Variants in MECR observed in about 807,000 individuals in gnomAD.
The protein encoded by MECR is enoyl-[acyl-carrier-protein] reductase, mitochondrial.
MECR carries 37 observed loss-of-function variants against 49.1 expected under a neutral mutation model. The observed-to-expected ratio is 0.75, with a 90% CI of 0.58 to 0.99. The LOEUF (loss-of-function observed/expected upper bound fraction) is 0.99, where lower values mean the gene tolerates loss of function less well. Among genes scored for constraint, MECR ranks in the 50% least tolerant of loss-of-function variants. The pLI is 0.00. For missense variants in MECR, 470 were observed against 479.6 expected (o/e 0.98, Z 0.19); for synonymous variants, 198 against 191.1 (o/e 1.04, Z -0.30).
At chr1:29,179,526 A>G in the MECR span, among the ~76,000 whole-genome samples, 1 of 152,086 alleles carries the variant, frequency 6.6e-6, no homozygotes, top group African/African-American at 2.4e-5. Context: ...CGCGTGGCTA[A>G]TTAAAAAAAT....
intron 3 of MECR, among the ~76,000 whole-genome samples, chr1:29,213,551 G>C (rs2452784): frequency 0.8 from 121,784 of 152,282 alleles, 49,340 homozygotes; most frequent in Non-Finnish European, 0.87. Context: ...CGCCCCAGGG[G>C]ACTGGTTCAG....
chr1:29,200,555 A>G lies in MECR; in HGVS notation c.791T>C (p.Val264Ala), dbSNP rs1049957605. 4 of 1,613,840 alleles carry G rather than the reference A, an allele frequency of 2.5e-6. No homozygotes were observed. The highest frequency in any genetic ancestry group is 3.4e-6 in the Non-Finnish European group (4 of 1,179,888). Residue 264 changes from valine to alanine, a missense_variant, in exon 7 of 10, where the codon GTT becomes GCT. Physicochemically the swap from Val to Ala is moderately conservative, Grantham distance 64 (BLOSUM62 0). Coordinates refer to ENST00000263702, the MANE Select transcript of MECR (RefSeq NM_016011.5). ...MPQPRLALNC[V>A]GGKSSTELLR... The stretch of plus-strand genomic sequence containing the variant: ...CAGCTCTGTGGAGCTTTTCCCACCA[A>G]CACAGTTGAGAGCAAGCCGTGGCTG...
chr1:29,198,545 G>GGC (rs1674562252), intron 7 of MECR, among the ~76,000 whole-genome samples: 1 of 152,220 alleles, frequency 6.6e-6, no homozygotes, highest in Non-Finnish European at 1.5e-5. Flanking sequence ...GTGCTCAAAT[G>GGC]TGGGGTCAAG....
Position 29,206,897 on chromosome 1 carries a change from G to A in MECR, c.415C>T (p.Arg139Trp). 1.4e-5 allele frequency: 22 copies of A among 1,613,980 alleles called. No homozygotes were observed. Among genetic ancestry groups the A allele is most frequent in the East Asian group, 2.2e-5 (1 of 44,854 alleles). The part of the protein sequence containing the change: ...IPANAGLGTW[R>W]TEAVFSEEAL... ...TCCTCGCTGAACACAGCCTCGGTCC[G>A]CCAGGTTCCTGAGTCAGAAGATGAA... The change falls in exon 4 of 10, where the codon CGG (arginine) becomes TGG (tryptophan). Residue 139 changes from arginine to tryptophan, a missense_variant. By Grantham distance (101) the Arg-to-Trp change is moderately radical. Transcript: ENST00000263702.
chr1:29,180,057 G>A, the MECR span, among the ~76,000 whole-genome samples: 1 of 152,170 alleles, frequency 6.6e-6, no homozygotes, highest in African/African-American at 2.4e-5. Flanking sequence ...GCCACTTACT[G>A]CCTAAGCCAA....
At chr1:29,175,488 G>A in the MECR span, among the ~76,000 whole-genome samples, 1 of 150,846 alleles carries the variant, frequency 6.6e-6, no homozygotes, top group East Asian at 2.0e-4. Flanking sequence ...GAGGTCAGGA[G>A]ATCGAGACCA....
At chr1:29,197,364 G>T (rs539349556) in intron 7 of MECR, among the ~76,000 whole-genome samples, 6 of 152,284 alleles carry the variant, frequency 3.9e-5, no homozygotes, top group Admixed American at 1.3e-4. Flanking sequence ...GGAATGATGT[G>T]GACGGTGCAG....
the MECR span, chr1:29,168,961 A>T: frequency 6.6e-6 from 1 of 152,252 alleles, no homozygotes; most frequent in African/African-American, 2.4e-5. Flanking sequence ...TTAAAGCAGC[A>T]ACCAGAAAAG....
chr1:29,177,677 G>C, the MECR span, among the ~76,000 whole-genome samples: 1 of 152,076 alleles, frequency 6.6e-6, no homozygotes, highest in African/African-American at 2.4e-5. Context: ...GATCTTCGTT[G>C]TATTTGTGGT....
chr1:29,217,637 C>T (rs1423610859), intron 1 of MECR, among the ~76,000 whole-genome samples: 1 of 152,154 alleles, frequency 6.6e-6, no homozygotes, highest in Non-Finnish European at 1.5e-5. Context: ...AATTATCAGG[C>T]CCACCTCTGA....
chr1:29,198,817 A>G (rs868702150), intron 7 of MECR, among the ~76,000 whole-genome samples: 3 of 152,166 alleles, frequency 2.0e-5, no homozygotes, highest in Non-Finnish European at 4.4e-5. Flanking sequence ...AGGTTTCACC[A>G]TGTTGGCCAG....
chr1:29,188,332 G>A (rs1673067263), downstream of MECR, among the ~76,000 whole-genome samples: 1 of 151,748 alleles, frequency 6.6e-6, no homozygotes, highest in Admixed American at 6.6e-5. Context: ...TGGGATTACA[G>A]GTGCCTGCCA....
intron 9 of MECR, among the ~76,000 whole-genome samples, chr1:29,195,239 T>C (rs1226559776): frequency 1.3e-5 from 2 of 152,232 alleles, no homozygotes; most frequent in Non-Finnish European, 2.9e-5. Context: ...AGCTCAGATC[T>C]AGTGCTCCAG....
At chr1:29,189,819 G>T (rs1339299801), downstream of MECR, among the ~76,000 whole-genome samples, 2 of 152,072 alleles carry the variant, frequency 1.3e-5, no homozygotes, top group African/African-American at 4.8e-5. Context: ...GAAATCTTTT[G>T]TTCCTTACTG....
At chr1:29,170,447 C>T in the MECR span, 1 of 152,184 alleles carries the variant, frequency 6.6e-6, no homozygotes, top group Admixed American at 6.5e-5. Context: ...AATGAGCAGG[C>T]TGCCAGGTGT....
chr1:29,220,956 A>G lies in MECR; in HGVS notation c.177-4271T>C, dbSNP rs541688521. ...ATCACTGAGTCACTGAAAGGAAGAC[A>G]GCAACGTTTTGGAAAATTCAAGTAA... On this transcript the variant is annotated intron_variant, in intron 1 of 9. Transcript: ENST00000263702. The G allele has an allele frequency of 1.2e-5, 12 of 982,400 alleles. No individual in the cohort carries two copies. The African/African-American group carries it at 1.9e-4, about 16-fold the overall frequency. The allele number at this position is 982,400 out of a possible 1,614,324, so 60.9% of individuals were successfully genotyped here.
At chr1:29,219,468 T>C (rs141137009) in intron 1 of MECR, among the ~76,000 whole-genome samples, 1 of 152,324 alleles carries the variant, frequency 6.6e-6, no homozygotes, top group Non-Finnish European at 1.5e-5. Flanking sequence ...CAAAGTTTAC[T>C]TCCCTTAAGA....
chr1:29,190,722 GA>G (rs1336263564), downstream of MECR, among the ~76,000 whole-genome samples: 2 of 151,186 alleles, frequency 1.3e-5, no homozygotes, highest in Non-Finnish European at 2.9e-5. Context: ...CTGGGAGGTG[GA>G]AATTGCAGTG....
intron 1 of MECR, chr1:29,228,860 G>T (rs930409017): frequency 6.6e-6 from 1 of 152,094 alleles, no homozygotes; most frequent in Admixed American, 6.5e-5. Flanking sequence ...GATTTAGATT[G>T]AACTAACATT....
Sources: gnomAD v4.1 joint callset for allele counts (sites outside exome capture counted in the v4.1 genomes callset) on GRCh38, gnomAD v4.1.1 for gene constraint, MANE v1.5 for transcripts, NCBI Gene and HGNC (gene_info 2026-07-23, HGNC 2026-07-21) for gene names.